TSHZ1: variants seen among roughly 807,000 people sequenced by gnomAD.
TSHZ1 encodes teashirt zinc finger homeobox 1, also known as teashirt homolog 1.
A neutral mutation model predicts 67.1 loss-of-function variants in TSHZ1; 12 were observed. The ratio of observed to expected loss-of-function variants is 0.18; its 90% CI spans 0.11 to 0.29. The LOEUF is 0.29. Ranked by LOEUF, TSHZ1 falls within the 10% of genes least tolerant of loss-of-function variation. The pLI is 1.00. For synonymous variants in TSHZ1, 632 were observed against 622.4 expected (o/e 1.02, Z -0.23); for missense variants, 1,305 against 1,413.9 (o/e 0.92, Z 1.23).
At chr18:75,277,481 C>A (rs1426142187) in intron 1 of TSHZ1, among the ~76,000 whole-genome samples, 1 of 152,150 alleles carries the variant, frequency 6.6e-6, no homozygotes, top group African/African-American at 2.4e-5. Flanking sequence ...GGACTGTGAG[C>A]AACAGACTTG....
At chr18:75,276,357 C>T (rs2023613755) in intron 1 of TSHZ1, among the ~76,000 whole-genome samples, 1 of 151,430 alleles carries the variant, frequency 6.6e-6, no homozygotes, top group Non-Finnish European at 1.5e-5. Flanking sequence ...GGGTGTCAGT[C>T]TTCCTGCAAG....
At position 75,287,955 on chromosome 18, in the gene TSHZ1, C is replaced by T. The variant is rs146587557; in HGVS notation, c.2548C>T (p.Arg850Cys). 13 of 1,614,196 alleles carry T rather than the reference C, an allele frequency of 8.1e-6. No homozygotes were observed. Among genetic ancestry groups the T allele is most frequent in the Middle Eastern group, 1.6e-4 (1 of 6,062 alleles). The change falls in exon 2 of 2, where the codon CGC becomes TGC. Residue 850 changes from arginine (R) to cysteine (C), a missense_variant. Physicochemically the swap from Arg to Cys is radical, Grantham distance 180. This residue lies in a region of TSHZ1 where 909 missense variants were observed against 961.8 expected (regional missense o/e 0.95). Coordinates refer to ENST00000580243, the MANE Select transcript of TSHZ1 (RefSeq NM_001308210.2). This position sits in a 1 kb window ranked among gnomAD's most constrained non-coding sequence, Gnocchi z 5.0. ...ISDMVKNLTGRLTPKSSTPST... is the reference protein window; with the variant it reads ...ISDMVKNLTGCLTPKSSTPST... ...CGACATGGTGAAAAACCTCACAGGC[C>T]GCCTGACGCCCAAGTCCTCCACGCC...
intron 1 of TSHZ1, among the ~76,000 whole-genome samples, chr18:75,266,948 G>T (rs2023496885): frequency 6.6e-6 from 1 of 152,210 alleles, no homozygotes; most frequent in African/African-American, 2.4e-5. Context: ...TGGTTGCAGT[G>T]TGTGCTTAGA....
chr18:75,218,409 A>G (rs1391755361), intron 1 of TSHZ1, among the ~76,000 whole-genome samples: 2 of 152,212 alleles, frequency 1.3e-5, no homozygotes, highest in Non-Finnish European at 2.9e-5. Context: ...CTAGTGTATT[A>G]GCAATTTTGC....
Position 75,288,777 on chromosome 18 carries a change from T to C in TSHZ1, c.*136T>C. ...CTGGACCTTGGTTTTCTTACACATA[T>C]TTTGTATATTTATATGCTCTCTGTC... On this transcript the variant is annotated 3_prime_UTR_variant, in exon 2 of 2. Coordinates refer to ENST00000580243, the MANE Select transcript of TSHZ1 (RefSeq NM_001308210.2). This position sits in a 1 kb window ranked among gnomAD's most constrained non-coding sequence, Gnocchi z 4.9. 1.5e-5 allele frequency: 21 copies of C among 1,393,538 alleles called. No homozygotes were observed. Among genetic ancestry groups the C allele is most frequent in the Non-Finnish European group, 1.9e-5 (20 of 1,051,644 alleles). 86.3% of individuals were successfully genotyped at this position (1,393,538 alleles called of 1,614,324 possible). A position where few individuals can be genotyped will look rare whatever the true frequency, so the allele number is the denominator to read the frequency against.
At chr18:75,239,229 T>C (rs2023122916) in intron 1 of TSHZ1, among the ~76,000 whole-genome samples, 2 of 152,244 alleles carry the variant, frequency 1.3e-5, no homozygotes, top group Admixed American at 1.3e-4. Context: ...CACCTCTGTT[T>C]AGGGCCCTGC....
chr18:75,212,257 C>T (rs879678322), intron 1 of TSHZ1, among the ~76,000 whole-genome samples: 3 of 152,162 alleles, frequency 2.0e-5, no homozygotes, highest in Non-Finnish European at 4.4e-5. Context: ...CCTTGGCTGC[C>T]GGAGCGCACT....
At chr18:75,222,834 G>A (rs969086666) in intron 1 of TSHZ1, among the ~76,000 whole-genome samples, 8 of 152,140 alleles carry the variant, frequency 5.3e-5, no homozygotes, top group African/African-American at 1.7e-4. Flanking sequence ...GGATCTTGTT[G>A]TGGTGTTTGG....
intron 1 of TSHZ1, among the ~76,000 whole-genome samples, chr18:75,258,269 C>A (rs1490128891): frequency 1.3e-5 from 2 of 152,150 alleles, no homozygotes; most frequent in Admixed American, 6.5e-5. Context: ...GTGCCGCACC[C>A]CCAAGCGACA....
rs189115496 is a variant in TSHZ1, at chr18:75,231,283, G to A, written c.40+19367G>A. On this transcript the variant is annotated intron_variant, in intron 1 of 1. Coordinates refer to ENST00000580243, the MANE Select transcript of TSHZ1 (RefSeq NM_001308210.2). The stretch of plus-strand genomic sequence containing the variant: ...CAGCTCAGGCGGGTGTGGCCCTGGA[G>A]CCAGGCTGCCTTTGCCCATTACCAC... Among the ~76,000 whole-genome samples the A allele has an allele frequency of 2.0e-5, 3 of 152,350 alleles. No individual in the cohort carries two copies. The East Asian group carries it at 5.8e-4, about 29-fold the overall frequency.
At chr18:75,228,045 A>C (rs2022948360) in intron 1 of TSHZ1, among the ~76,000 whole-genome samples, 1 of 152,234 alleles carries the variant, frequency 6.6e-6, no homozygotes, top group African/African-American at 2.4e-5. Context: ...AATATTATTT[A>C]GACTTGGGTT....
chr18:75,264,494 T>C (rs566579105), intron 1 of TSHZ1, among the ~76,000 whole-genome samples: 3 of 152,134 alleles, frequency 2.0e-5, no homozygotes, highest in African/African-American at 7.2e-5. Context: ...ATTTTTTTTT[T>C]TTTTTTTTTA....
intron 1 of TSHZ1, among the ~76,000 whole-genome samples, chr18:75,223,206 T>TTA (rs1181559145): frequency 1.3e-5 from 2 of 152,272 alleles, no homozygotes; most frequent in East Asian, 1.9e-4. Flanking sequence ...TACATGGAAA[T>TTA]TATATATATA....
chr18:75,222,929 C>T (rs2022867641), intron 1 of TSHZ1, among the ~76,000 whole-genome samples: 1 of 152,092 alleles, frequency 6.6e-6, no homozygotes, highest in Non-Finnish European at 1.5e-5. Context: ...AATTAATCAC[C>T]CTGTGAGCTA....
At chr18:75,260,691 C>G (rs1402308363) in intron 1 of TSHZ1, among the ~76,000 whole-genome samples, 1 of 152,132 alleles carries the variant, frequency 6.6e-6, no homozygotes. Context: ...CTGCCCCGGC[C>G]TTTTCACTGG....
chr18:75,219,296 G>A (rs560977057), intron 1 of TSHZ1, among the ~76,000 whole-genome samples: 41 of 152,252 alleles, frequency 2.7e-4, no homozygotes, highest in Admixed American at 7.8e-4. Context: ...TTATCAATAG[G>A]GTTGATAGAG....
In TSHZ1 at chr18:75,287,239, C is replaced by T. The variant is rs1447093421; in HGVS notation, c.1832C>T (p.Ser611Leu). The T allele has an allele frequency of 1.7e-5, 28 of 1,613,832 alleles. 1 individual carries two copies. The East Asian group carries it at 4.5e-4, about 26-fold the overall frequency. Residue 611 changes from serine (S) to leucine (L), a missense_variant, in exon 2 of 2, where the codon TCG becomes TTG. Transcript: ENST00000580243. This position sits in a 1 kb window ranked among gnomAD's most constrained non-coding sequence, Gnocchi z 5.0. Reference sequence around the variant, plus strand: ...CCGTCCTATGCTGGCGGCGTGAAGTCGCTGTCTTCCGCCGAGCACAACGCC... The same window carrying T: ...CCGTCCTATGCTGGCGGCGTGAAGTTGCTGTCTTCCGCCGAGCACAACGCC... ...VQPSYAGGVK[S>L]LSSAEHNALL...
At chr18:75,217,708 G>T (rs905534864) in intron 1 of TSHZ1, among the ~76,000 whole-genome samples, 2 of 152,090 alleles carry the variant, frequency 1.3e-5, no homozygotes, top group African/African-American at 4.8e-5. Flanking sequence ...ATGTATATGG[G>T]TTTCTACCTG....
At position 75,282,477 on chromosome 18, in the gene TSHZ1, C is replaced by A. The variant is rs145142155; in HGVS notation, c.41-2971C>A. On this transcript the variant is annotated intron_variant, in intron 1 of 1. Coordinates refer to ENST00000580243, the MANE Select transcript of TSHZ1 (RefSeq NM_001308210.2). ...AGGACAGAATTGTGTCCCCGTCATTCATATGTGGAAGACCTGACTCCCATT... is the reference window on the plus strand; with the variant it reads ...AGGACAGAATTGTGTCCCCGTCATTAATATGTGGAAGACCTGACTCCCATT... 4.6e-5 allele frequency among the ~76,000 whole-genome samples: 7 copies of A among 152,292 alleles called. No individual in the cohort carries two copies. The East Asian group carries it at 1.4e-3, about 29-fold the overall frequency.
Sources: allele counts gnomAD v4.1 joint callset (sites outside exome capture counted in the v4.1 genomes callset), GRCh38; gene constraint gnomAD v4.1.1; regional missense constraint gnomAD v4.1.1; non-coding constraint Gnocchi (gnomAD v3.1); transcripts MANE v1.5; gene names NCBI Gene and HGNC (gene_info 2026-07-23, HGNC 2026-07-21).